The following ABR variants were observed in gnomAD, a reference collection of about 807,000 sequenced individuals.
The protein encoded by ABR is ABR activator of RhoGEF and GTPase.
In ABR, 35 loss-of-function variants were observed where a neutral mutation model predicts 107.2. That is an observed-to-expected ratio of 0.33 (90% CI 0.25 to 0.43). ABR has a LOEUF of 0.43. Among genes scored for constraint, ABR ranks in the 20% least tolerant of loss-of-function variants. The pLI is 1.00. For synonymous variants in ABR, 498 were observed against 462.0 expected (o/e 1.08, Z -1.00); for missense variants, 815 against 1,115.2 (o/e 0.73, Z 3.83).
At position 1,050,641 on chromosome 17, in the gene ABR, G is replaced by A. The variant is rs752658515; in HGVS notation, c.1562-7C>T. 7 of 1,612,008 alleles carry A rather than the reference G, an allele frequency of 4.3e-6. No homozygotes were observed. The highest frequency in any genetic ancestry group is 5.9e-6 in the Non-Finnish European group (7 of 1,178,364). On this transcript the variant is annotated splice_polypyrimidine_tract_variant and splice_region_variant and intron_variant, in intron 14 of 22. Transcript: ENST00000302538. The surrounding 1 kb of genome is among the most constrained non-coding windows in gnomAD (Gnocchi z 4.6). ...TCCAGGGTACAGTACAGGTCTGTGG[G>A]GGAAGGACAGACGGAGATACTGAGT...
Position 1,067,034 on chromosome 17 carries a change from C to A in ABR, c.1182+43G>T, listed in dbSNP as rs773455429. On this transcript the variant is annotated intron_variant, in intron 10 of 22. Coordinates refer to ENST00000302538, the MANE Select transcript of ABR (RefSeq NM_021962.5). ...CCTGCCTCCACCTCCCCCAACACAG[C>A]TGGCTCAAAGGGCCCCAGGCTCAGA... 6 of 1,602,480 alleles carry A rather than the reference C, an allele frequency of 3.7e-6. No homozygotes were observed. The Admixed American group carries it at 8.5e-5, about 23-fold the overall frequency.
In ABR at chr17:1,148,994, T is replaced by C. The variant is rs9890806; in HGVS notation, c.62-23627A>G. Among the ~76,000 whole-genome samples the C allele has an allele frequency of 0.55, 82,267 of 148,504 alleles. 23,219 individuals are homozygous for C. The highest frequency in any genetic ancestry group is 0.62 in the Middle Eastern group (180 of 290). ...TCGGCTCACTGCAAGCTCCGCCTCC[T>C]GGGTTCACGCCATTCTCCTGCCTCA... On this transcript the variant is annotated intron_variant, in intron 1 of 22. Transcript: ENST00000302538. This position sits in a 1 kb window ranked among gnomAD's most constrained non-coding sequence, Gnocchi z 4.9.
intron 6 of ABR, among the ~76,000 whole-genome samples, chr17:1,074,401 C>T: frequency 6.6e-6 from 1 of 151,016 alleles, no homozygotes; most frequent in Non-Finnish European, 1.5e-5. Flanking sequence ...ATACCTGCCA[C>T]ACGCAGAACC....
Position 1,043,080 on chromosome 17 carries a change from G to A in ABR, c.1791+6970C>T, listed in dbSNP as rs369561996. The stretch of plus-strand genomic sequence containing the variant: ...TATGATTTAATGGGGATGGGGTTTC[G>A]GCTGGGGAGGGCCAACAAGTTCTGG... On this transcript the variant is annotated intron_variant, in intron 16 of 22. Transcript: ENST00000302538. Among the ~76,000 whole-genome samples the A allele has an allele frequency of 3.0e-4, 46 of 152,268 alleles. No homozygotes were observed. In the South Asian group the frequency reaches 6.6e-3, roughly 22 times the overall value.
chr17:1,081,026 A>C (rs1016063982), intron 5 of ABR, among the ~76,000 whole-genome samples: 2 of 152,102 alleles, frequency 1.3e-5, no homozygotes, highest in Admixed American at 1.3e-4. Context: ...GCAGGCTGTG[A>C]GGGGCTTATG....
upstream of ABR, among the ~76,000 whole-genome samples, chr17:1,182,083 C>A (rs1004962424): frequency 6.6e-6 from 1 of 152,190 alleles, no homozygotes; most frequent in African/African-American, 2.4e-5. Context: ...AATCCTGGCA[C>A]TCTCGGACCC....
At chr17:1,021,518 T>C (rs1052286636) in intron 16 of ABR, among the ~76,000 whole-genome samples, 7 of 152,196 alleles carry the variant, frequency 4.6e-5, no homozygotes, top group African/African-American at 1.7e-4. Flanking sequence ...AAAAAAGTGC[T>C]TCTTCAGCCA....
chr17:1,028,987 C>T (rs1480123837), intron 16 of ABR, among the ~76,000 whole-genome samples: 3 of 151,664 alleles, frequency 2.0e-5, no homozygotes, highest in South Asian at 2.1e-4. Context: ...AAAGCTCAAG[C>T]GAGAATCTAG....
chr17:1,142,350 C>G (rs994766082), intron 1 of ABR, among the ~76,000 whole-genome samples: 2 of 151,906 alleles, frequency 1.3e-5, no homozygotes, highest in African/African-American at 4.8e-5. Context: ...TTTGGGAGGC[C>G]GAGGCAGGCG....
In ABR at chr17:1,160,272, C is replaced by CA. The variant is rs951714887; in HGVS notation, c.61+19394dup. Among the ~76,000 whole-genome samples the CA allele has an allele frequency of 1.2e-4, 13 of 111,828 alleles. No homozygotes were observed. The South Asian group carries it at 3.3e-3, about 29-fold the overall frequency. The allele number at this position is 111,828 out of a possible 152,430, so 73.4% of individuals were successfully genotyped here. On this transcript the variant is annotated intron_variant, in intron 1 of 22. Transcript: ENST00000302538. ...CTGTCTCAAAAACAAAAAACAATAA[C>CA]AAAAAAAAACCACACACACACACAC...
In ABR at chr17:1,012,302, G is replaced by A. The variant is rs1002587574; in HGVS notation, c.1962-317C>T. The A allele has an allele frequency of 4.7e-6, 3 of 640,504 alleles. No homozygotes were observed. The African/African-American group carries it at 5.4e-5, about 11-fold the overall frequency. 39.7% of individuals were successfully genotyped at this position (640,504 alleles called of 1,614,324 possible). A position where few individuals can be genotyped will look rare whatever the true frequency, so the allele number is the denominator to read the frequency against. On this transcript the variant is annotated intron_variant, in intron 18 of 22. Coordinates refer to ENST00000302538, the MANE Select transcript of ABR (RefSeq NM_021962.5). ...AGGCCCAGCAGGCAGCCCACATGAG[G>A]AGGTGGGTCAGGCCTGAGACAAGGG...
At chr17:1,021,745 A>G (rs552002722) in intron 16 of ABR, among the ~76,000 whole-genome samples, 49 of 151,834 alleles carry the variant, frequency 3.2e-4, no homozygotes, top group African/African-American at 9.9e-4. Context: ...CGGAGGTTGC[A>G]GTGAGCCGGA....
intron 16 of ABR, among the ~76,000 whole-genome samples, chr17:1,017,794 G>C (rs190569516): frequency 5.3e-5 from 8 of 151,922 alleles, no homozygotes; most frequent in Admixed American, 4.6e-4. Context: ...GTAGAGATGG[G>C]GTTTCACCAT....
At chr17:1,090,046 G>A (rs1338987834) in intron 4 of ABR, among the ~76,000 whole-genome samples, 1 of 152,226 alleles carries the variant, frequency 6.6e-6, no homozygotes, top group African/African-American at 2.4e-5. Flanking sequence ...ACGAGGACTG[G>A]CACAAGGCCT....
chr17:1,028,911 C>T (rs1283079814), intron 16 of ABR, among the ~76,000 whole-genome samples: 1 of 142,482 alleles, frequency 7.0e-6, no homozygotes, highest in Non-Finnish European at 1.5e-5. Flanking sequence ...AGCCTCCTCA[C>T]GGCTCCCACA....
chr17:1,091,926 C>T, intron 3 of ABR, 76 bp from the exon 4 acceptor site: 18 of 1,443,026 alleles, frequency 1.2e-5, no homozygotes, highest in Admixed American at 2.0e-5. Context: ...CGGGGCCGAT[C>T]GTTAGCCCTT....
intron 10 of ABR, among the ~76,000 whole-genome samples, chr17:1,063,088 G>GTTGTTATGTGAA (rs2034234974): frequency 9.0e-6 from 1 of 111,520 alleles, no homozygotes. Flanking sequence ...TCTAGACACT[G>GTTGTTATGTGAA]CTGTTATGTG....
intron 20 of ABR, 71 bp from the exon 21 acceptor site, chr17:1,009,855 G>C (rs2070384192): frequency 7.3e-7 from 1 of 1,375,412 alleles, no homozygotes; most frequent in Middle Eastern, 1.8e-4. Context: ...TGGTCGTGAG[G>C]CTGTGGGCCC....
At chr17:1,031,216 G>A (rs2072708837) in intron 16 of ABR, among the ~76,000 whole-genome samples, 1 of 152,134 alleles carries the variant, frequency 6.6e-6, no homozygotes, top group Admixed American at 6.5e-5. Context: ...TCAGCAAAGG[G>A]GCAGCCAGCA....
Sources: gnomAD v4.1 joint callset for allele counts (sites outside exome capture counted in the v4.1 genomes callset) on GRCh38, gnomAD v4.1.1 for gene constraint, Gnocchi (gnomAD v3.1) non-coding constraint, MANE v1.5 for transcripts, NCBI Gene and HGNC (gene_info 2026-07-23, HGNC 2026-07-21) for gene names.